The following KIF6 variants were observed in gnomAD, a reference collection of about 807,000 sequenced individuals.
KIF6 encodes the protein kinesin-like protein KIF6.
Under a neutral mutation model 112.7 loss-of-function variants are expected in KIF6, and 106 were observed. The observed-to-expected ratio is 0.94, with a 90% confidence interval of 0.80 to 1.11. The LOEUF is 1.11. Among genes scored for constraint, KIF6 ranks in the 50% least tolerant of loss-of-function variants. The probability of loss-of-function intolerance (pLI) is 0.00; values close to 1 mark genes in which losing one functional copy is unlikely to be tolerated. For synonymous variants in KIF6, 339 were observed against 339.9 expected (o/e 1.00, Z 0.03); for missense variants, 929 against 964.0 (o/e 0.96, Z 0.48).
chr6:39,421,196 C>T (rs1021635064), intron 14 of KIF6, among the ~76,000 whole-genome samples: 3 of 152,162 alleles, frequency 2.0e-5, no homozygotes, highest in Admixed American at 6.5e-5. Flanking sequence ...GGCCTGTCCA[C>T]GAGTGAGCGG....
intron 13 of KIF6, among the ~76,000 whole-genome samples, chr6:39,532,443 C>T (rs945521120): frequency 8.5e-5 from 13 of 152,080 alleles, no homozygotes; most frequent in Non-Finnish European, 1.9e-4. Context: ...ATGAATTCAG[C>T]AATCCAGATG....
intron 6 of KIF6, among the ~76,000 whole-genome samples, chr6:39,606,737 A>T (rs993059793): frequency 6.6e-6 from 1 of 152,158 alleles, no homozygotes; most frequent in Non-Finnish European, 1.5e-5. Flanking sequence ...AATGGCTTGT[A>T]TTTAAGGTTT....
At chr6:39,658,801 A>G (rs1044413871) in intron 3 of KIF6, among the ~76,000 whole-genome samples, 1 of 152,242 alleles carries the variant, frequency 6.6e-6, no homozygotes, top group Non-Finnish European at 1.5e-5. Context: ...GTCTTCACAC[A>G]GGGGGCAGTT....
intron 16 of KIF6, among the ~76,000 whole-genome samples, chr6:39,367,758 T>C (rs1765678233): frequency 6.6e-6 from 1 of 152,194 alleles, no homozygotes; most frequent in Non-Finnish European, 1.5e-5. Flanking sequence ...CTTGTCCCAC[T>C]TCCCCATGCC....
chr6:39,333,353 A>G lies in KIF6; in HGVS notation c.*3179T>C, dbSNP rs1762806822. ...CTCAGTGGTTTATGACAAGCAGCAT[A>G]TATTCTCATGCCAATAGGTCTTTGG... is the stretch of plus-strand genomic sequence containing the variant. On this transcript the variant is annotated 3_prime_UTR_variant, in exon 23 of 23. Transcript: ENST00000287152. The G allele has an allele frequency of 6.6e-6, 1 of 152,238 alleles. No homozygotes were observed. The highest frequency in any genetic ancestry group is 1.5e-5 in the Non-Finnish European group (1 of 68,050). The allele number at this position is 152,238 out of a possible 1,614,324, so 9.4% of individuals were successfully genotyped here.
At chr6:39,538,558 C>T (rs927802283) in intron 13 of KIF6, among the ~76,000 whole-genome samples, 6 of 151,856 alleles carry the variant, frequency 4.0e-5, no homozygotes, top group Admixed American at 1.3e-4. Context: ...ATTAAAAAGT[C>T]AGGAAACAAC....
At chr6:39,694,368 G>T (rs983629549) in intron 3 of KIF6, among the ~76,000 whole-genome samples, 1 of 152,144 alleles carries the variant, frequency 6.6e-6, no homozygotes, top group East Asian at 1.9e-4. Context: ...AGAAAAAGAA[G>T]AAGTCAAATT....
intron 10 of KIF6, among the ~76,000 whole-genome samples, chr6:39,571,153 T>C (rs1251574182): frequency 6.6e-6 from 1 of 152,204 alleles, no homozygotes; most frequent in African/African-American, 2.4e-5. Context: ...TAACCTGTTT[T>C]ACAGTCATAA....
chr6:39,696,011 G>A (rs1192675527), intron 3 of KIF6, among the ~76,000 whole-genome samples: 2 of 152,148 alleles, frequency 1.3e-5, no homozygotes, highest in African/African-American at 4.8e-5. Flanking sequence ...ATTATCCTAA[G>A]TGAGTTAACA....
chr6:39,383,278 T>C (rs1484188677), intron 16 of KIF6, among the ~76,000 whole-genome samples: 1 of 152,230 alleles, frequency 6.6e-6, no homozygotes, highest in African/African-American at 2.4e-5. Flanking sequence ...GGTTTTCTTC[T>C]AGAATTTTAA....
At chr6:39,678,715 C>T (rs1287852098) in intron 3 of KIF6, among the ~76,000 whole-genome samples, 3 of 152,226 alleles carry the variant, frequency 2.0e-5, no homozygotes, top group Admixed American at 1.3e-4. Context: ...ATTAGACCCC[C>T]TCATCAACTT....
intron 13 of KIF6, among the ~76,000 whole-genome samples, chr6:39,517,587 G>A (rs1434964085): frequency 6.6e-6 from 1 of 152,138 alleles, no homozygotes; most frequent in Non-Finnish European, 1.5e-5. Context: ...GAACACTGAA[G>A]CAATGAGTCT....
chr6:39,531,476 G>A (rs1778056840), intron 13 of KIF6, among the ~76,000 whole-genome samples: 1 of 152,100 alleles, frequency 6.6e-6, no homozygotes, highest in Non-Finnish European at 1.5e-5. Context: ...TGATATCTGA[G>A]GCCATTTCTG....
chr6:39,649,560 T>A (rs1370433639), intron 3 of KIF6, among the ~76,000 whole-genome samples: 1 of 152,086 alleles, frequency 6.6e-6, no homozygotes, highest in Non-Finnish European at 1.5e-5. Context: ...TTTTAAAAAA[T>A]TCAGTCTGAG....
At chr6:39,376,060 T>A (rs2150295228) in intron 16 of KIF6, among the ~76,000 whole-genome samples, 1 of 152,308 alleles carries the variant, frequency 6.6e-6, no homozygotes, top group Non-Finnish European at 1.5e-5. Context: ...GCTAAGGACC[T>A]CATGTCACTG....
intron 6 of KIF6, among the ~76,000 whole-genome samples, chr6:39,603,574 A>G (rs56104630): frequency 1.3e-5 from 2 of 151,328 alleles, no homozygotes; most frequent in East Asian, 3.9e-4. Context: ...GTGTCCAGCC[A>G]TTTTTAGTAA....
chr6:39,534,442 A>C (rs1050284890), intron 13 of KIF6, among the ~76,000 whole-genome samples: 11 of 152,258 alleles, frequency 7.2e-5, no homozygotes, highest in African/African-American at 2.7e-4. Flanking sequence ...TGATGCAATC[A>C]ACTGGAAGAA....
Position 39,639,609 on chromosome 6 carries a change from C to T in KIF6, c.399+1G>A, listed in dbSNP as rs771821721. ...AATGATATGAACGAAAAGTTTCATA[C>T]CTTTTGTAACTGTTCAAAAATGTAT... On this transcript the variant is annotated splice_donor_variant, in intron 4 of 22. Transcript: ENST00000287152. LOFTEE classifies it high-confidence loss of function. 6.4e-7 allele frequency: 1 copy of T among 1,560,872 alleles called. No individual in the cohort carries two copies. The highest frequency in any genetic ancestry group is 8.6e-7 in the Non-Finnish European group (1 of 1,157,496).
chr6:39,689,147 A>T (rs958481063), intron 3 of KIF6, among the ~76,000 whole-genome samples: 1 of 152,198 alleles, frequency 6.6e-6, no homozygotes, highest in African/African-American at 2.4e-5. Context: ...AGGAAAGAAA[A>T]GAAAAGAGAA....
Sources: gnomAD v4.1 joint callset for allele counts (sites outside exome capture counted in the v4.1 genomes callset) on GRCh38, gnomAD v4.1.1 for gene constraint, MANE v1.5 for transcripts, NCBI Gene and HGNC (gene_info 2026-07-23, HGNC 2026-07-21) for gene names.